Variants in ACSS3 observed in about 807,000 individuals in gnomAD.
The protein encoded by ACSS3 is acyl-CoA synthetase short chain family member 3, also known as acyl-CoA synthetase short-chain family member 3, mitochondrial.
In ACSS3, 64 loss-of-function variants were observed where a neutral mutation model predicts 84.2. The ratio of observed to expected loss-of-function variants is 0.76; its 90% confidence interval spans 0.62 to 0.94. The LOEUF (loss-of-function observed/expected upper bound fraction) is 0.94. ACSS3 is among the 40% of genes least tolerant of loss of function. The pLI, the probability that ACSS3 is intolerant of heterozygous loss-of-function variation, is 0.00. For synonymous variants in ACSS3, 317 were observed against 310.1 expected, an observed-to-expected ratio of 1.02 and a Z score of -0.23; for missense variants, 815 against 867.6, an observed-to-expected ratio of 0.94 and a Z score of 0.76.
rs1330655540 is a variant in ACSS3, at chr12:81,260,820, CG to C, written c.*5899del. Reference sequence around the variant, plus strand: ...TGTGCACACATTTTGTTCTAAATATCGCTCTTAAAAAGTATTTTTCTAAAAT... The same window carrying C: ...TGTGCACACATTTTGTTCTAAATATCCTCTTAAAAAGTATTTTTCTAAAAT... On this transcript the variant is annotated 3_prime_UTR_variant, in exon 16 of 16. Coordinates refer to ENST00000548058, the MANE Select transcript of ACSS3 (RefSeq NM_024560.4). The C allele has an allele frequency of 6.6e-6, 1 of 152,008 alleles. No individual in the cohort carries two copies. The highest frequency in any genetic ancestry group is 1.9e-4 in the East Asian group (1 of 5,178). 9.4% of individuals were successfully genotyped at this position (152,008 alleles called of 1,614,324 possible). A position where few individuals can be genotyped will look rare whatever the true frequency, so the allele number is the denominator to read the frequency against.
chr12:81,131,861 C>T (rs1490125106), intron 2 of ACSS3, among the ~76,000 whole-genome samples: 1 of 152,056 alleles, frequency 6.6e-6, no homozygotes, highest in Non-Finnish European at 1.5e-5. Flanking sequence ...TGTCAAAGGC[C>T]TTTTTTGCAT....
intron 1 of ACSS3, among the ~76,000 whole-genome samples, chr12:81,100,727 C>T (rs1882444309): frequency 6.6e-6 from 1 of 152,200 alleles, no homozygotes; most frequent in African/African-American, 2.4e-5. Flanking sequence ...AGATTTGCCC[C>T]AGGCCATCCA....
At chr12:81,139,538 T>C (rs1885976001) in intron 4 of ACSS3, among the ~76,000 whole-genome samples, 1 of 150,614 alleles carries the variant, frequency 6.6e-6, no homozygotes, top group Non-Finnish European at 1.5e-5. Flanking sequence ...TCAGATTATA[T>C]TAGCAATAAT....
At position 81,258,028 on chromosome 12, in the gene ACSS3, T is replaced by C. The variant is rs1440090215; in HGVS notation, c.*3106T>C. 1 of 152,152 alleles carries C rather than the reference T, an allele frequency of 6.6e-6. No homozygotes were observed. The highest frequency in any genetic ancestry group is 1.5e-5 in the Non-Finnish European group (1 of 68,002). The allele number at this position is 152,152 out of a possible 1,614,324, so 9.4% of individuals were successfully genotyped here. On this transcript the variant is annotated 3_prime_UTR_variant, in exon 16 of 16. Transcript: ENST00000548058. ...GTTCCTATATTCTATTTCATTTCTA[T>C]GAATCAAGATGCCCATGTTTAGATG...
intron 11 of ACSS3, among the ~76,000 whole-genome samples, chr12:81,224,551 C>CATAT (rs544655798): frequency 7.7e-6 from 1 of 129,212 alleles, no homozygotes; most frequent in Admixed American, 8.1e-5. Context: ...TACATACATA[C>CATAT]ATATATATAT....
chr12:81,204,703 C>T (rs1383046962), intron 9 of ACSS3, among the ~76,000 whole-genome samples: 1 of 152,132 alleles, frequency 6.6e-6, no homozygotes, highest in African/African-American at 2.4e-5. Context: ...GTTGACAGGA[C>T]ACTACCTGTG....
chr12:81,180,592 T>G (rs992039807), intron 8 of ACSS3, among the ~76,000 whole-genome samples: 9 of 152,150 alleles, frequency 5.9e-5, no homozygotes, highest in Non-Finnish European at 1.2e-4. Context: ...CTTGGCTCAT[T>G]GCAACATTTG....
chr12:81,115,728 A>G (rs1883985609), intron 2 of ACSS3, among the ~76,000 whole-genome samples: 1 of 152,176 alleles, frequency 6.6e-6, no homozygotes, highest in South Asian at 2.1e-4. Context: ...AGAAGACCTT[A>G]CCAATATTTG....
chr12:81,220,838 C>A (rs905238032), intron 11 of ACSS3, among the ~76,000 whole-genome samples: 2 of 151,882 alleles, frequency 1.3e-5, no homozygotes, highest in African/African-American at 2.4e-5. Flanking sequence ...AAATTTTCAT[C>A]CCCAGTATAG....
intron 9 of ACSS3, among the ~76,000 whole-genome samples, chr12:81,206,777 A>G (rs999663803): frequency 2.0e-5 from 3 of 152,174 alleles, no homozygotes; most frequent in Non-Finnish European, 1.5e-5. Context: ...GTTTGTGGAA[A>G]GAATAACCTT....
intron 1 of ACSS3, among the ~76,000 whole-genome samples, chr12:81,099,842 A>G (rs1470250800): frequency 6.6e-6 from 1 of 152,176 alleles, no homozygotes; most frequent in East Asian, 1.9e-4. Context: ...GAAAAAATTG[A>G]TGGGAAGAGA....
intron 1 of ACSS3, among the ~76,000 whole-genome samples, chr12:81,086,118 G>T (rs1881294448): frequency 6.6e-6 from 1 of 152,122 alleles, no homozygotes; most frequent in African/African-American, 2.4e-5. Context: ...TTCAGTATTT[G>T]TCAGATATTT....
At chr12:81,142,820 A>T (rs1229877315) in intron 4 of ACSS3, among the ~76,000 whole-genome samples, 2 of 152,248 alleles carry the variant, frequency 1.3e-5, no homozygotes, top group African/African-American at 2.4e-5. Context: ...ATGAGTGTTG[A>T]TGGAAACATT....
intron 13 of ACSS3, among the ~76,000 whole-genome samples, chr12:81,249,395 A>G (rs1035714874): frequency 2.6e-5 from 4 of 151,960 alleles, no homozygotes; most frequent in African/African-American, 9.7e-5. Flanking sequence ...TAATCCCACT[A>G]ATATTTGTGG....
At chr12:81,139,541 G>A (rs1885976291) in intron 4 of ACSS3, among the ~76,000 whole-genome samples, 1 of 149,878 alleles carries the variant, frequency 6.7e-6, no homozygotes, top group South Asian at 2.1e-4. Flanking sequence ...GATTATATTA[G>A]CAATAATAAT....
At chr12:81,245,224 G>A (rs1347397565) in intron 13 of ACSS3, among the ~76,000 whole-genome samples, 1 of 152,170 alleles carries the variant, frequency 6.6e-6, no homozygotes, top group Admixed American at 6.5e-5. Context: ...CACTATGGGA[G>A]GCCGAGATGG....
intron 5 of ACSS3, among the ~76,000 whole-genome samples, chr12:81,150,003 G>T (rs1333619294): frequency 1.3e-5 from 2 of 151,864 alleles, no homozygotes; most frequent in Non-Finnish European, 2.9e-5. Context: ...GTTTGAAGAA[G>T]TACTCATCTG....
At chr12:81,166,253 A>G (rs1375950328) in intron 7 of ACSS3, among the ~76,000 whole-genome samples, 3 of 152,192 alleles carry the variant, frequency 2.0e-5, no homozygotes, top group African/African-American at 7.2e-5. Context: ...ATTGTAAGAG[A>G]TGAAAAGGGA....
At chr12:81,247,663 G>T (rs2034026704) in intron 13 of ACSS3, among the ~76,000 whole-genome samples, 1 of 152,022 alleles carries the variant, frequency 6.6e-6, no homozygotes. Context: ...GTTTAAATCA[G>T]ATTTGTCTTC....
Sources: gnomAD v4.1 joint callset for allele counts (sites outside exome capture counted in the v4.1 genomes callset) on GRCh38, gnomAD v4.1.1 for gene constraint, MANE v1.5 for transcripts, NCBI Gene and HGNC (gene_info 2026-07-23, HGNC 2026-07-21) for gene names.